Variants in BCORL1 observed in about 807,000 individuals in gnomAD.
BCORL1 encodes BCL6 corepressor like 1, also known as BCL-6 corepressor-like protein 1.
Under a neutral mutation model 87.6 loss-of-function variants are expected in BCORL1, and 7 were observed. The observed-to-expected ratio is 0.08, with a 90% CI of 0.05 to 0.15. The LOEUF (loss-of-function observed/expected upper bound fraction) is 0.15. Ranked by LOEUF, BCORL1 falls within the 10% of genes least tolerant of loss-of-function variation. The pLI is 1.00. For missense variants in BCORL1, 1,215 were observed against 1,499.7 expected (o/e 0.81, Z 3.13); for synonymous variants, 591 against 634.4 (o/e 0.93, Z 1.03).
intron 11 of BCORL1, among the ~76,000 whole-genome samples, chrX:130,047,671 G>A (rs1229008990): frequency 8.9e-6 from 1 of 111,974 alleles, no homozygotes; most frequent in Non-Finnish European, 1.9e-5. Context: ...AAGGGGGACA[G>A]CAGTCATTTG....
At chrX:129,998,252 T>C (rs1275340623) in intron 1 of BCORL1, among the ~76,000 whole-genome samples, 1 of 110,288 alleles carries the variant, frequency 9.1e-6, no homozygotes, top group African/African-American at 3.3e-5. Context: ...CATATCCTTG[T>C]GCCTGTGCTT....
intron 4 of BCORL1, among the ~76,000 whole-genome samples, chrX:130,017,934 C>T (rs138680417): frequency 2.1e-3 from 237 of 112,116 alleles, no homozygotes; most frequent in African/African-American, 7.3e-3. Flanking sequence ...CCTCACCTGG[C>T]CATCTTCTAC....
In BCORL1 at chrX:130,056,082, A is replaced by G; in HGVS notation, c.5304A>G (p.Pro1768=). ...SETVELVRYE[P]DLLRLLGSEV... is the part of the protein sequence containing the mutation. ...CTGTGGAGCTGGTGCGGTACGAGCC[A>G]GACCTACTTCGGCTCCTAGGGTCCG... The change falls in exon 14 of 14, where the codon CCA becomes CCG. Residue 1768 remains proline (P), a synonymous_variant. Transcript: ENST00000540052. 1 of 1,198,014 alleles carries G rather than the reference A, an allele frequency of 8.3e-7. No individual in the cohort carries two copies. Among genetic ancestry groups the G allele is most frequent in the Non-Finnish European group, 1.1e-6 (1 of 887,259 alleles).
intron 13 of BCORL1, among the ~76,000 whole-genome samples, chrX:130,053,881 A>G (rs1259662513): frequency 8.9e-6 from 1 of 112,047 alleles, no homozygotes; most frequent in Non-Finnish European, 1.9e-5. Context: ...TGATGGTCCA[A>G]GTGTATGATA....
chrX:130,002,504 C>T (rs1401875003), intron 1 of BCORL1, among the ~76,000 whole-genome samples: 3 of 79,214 alleles, frequency 3.8e-5, no homozygotes, highest in Non-Finnish European at 6.8e-5. Flanking sequence ...GGGGAGGGAC[C>T]GGAAGAGGGA....
chrX:130,053,505 G>A (rs976591995), intron 13 of BCORL1, among the ~76,000 whole-genome samples: 9 of 111,593 alleles, frequency 8.1e-5, no homozygotes, highest in African/African-American at 2.9e-4. Flanking sequence ...CAGGATCTTG[G>A]GCTTCAGGCA....
chrX:129,993,353 T>C (rs1313999298), intron 1 of BCORL1, among the ~76,000 whole-genome samples: 1 of 112,258 alleles, frequency 8.9e-6, no homozygotes, highest in Non-Finnish European at 1.9e-5. Context: ...AAAAGTATCA[T>C]AGCAATGGGT....
intron 4 of BCORL1, among the ~76,000 whole-genome samples, chrX:130,020,536 G>A (rs1182468589): frequency 9.0e-6 from 1 of 111,693 alleles, no homozygotes; most frequent in Non-Finnish European, 1.9e-5. Flanking sequence ...TTCTTGAGTT[G>A]GCCTGTACTG....
chrX:130,010,555 T>G (rs1397314453), intron 2 of BCORL1: 1 of 110,796 alleles, frequency 9.0e-6, no homozygotes, highest in Non-Finnish European at 1.9e-5. Flanking sequence ...CCAACTGCCT[T>G]TTAAAGGGAA....
Position 130,016,213 on chromosome X carries a change from G to A in BCORL1, c.3441G>A (p.Lys1147=), listed in dbSNP as rs1170569050. The A allele has an allele frequency of 2.5e-6, 3 of 1,193,745 alleles. No homozygotes were observed. In the East Asian group the frequency reaches 9.1e-5, roughly 36 times the overall value. The change falls in exon 4 of 14, where the codon AAG becomes AAA. Residue 1147 remains lysine, a splice_region_variant and synonymous_variant. Transcript: ENST00000540052. The stretch of plus-strand genomic sequence containing the variant: ...TGGTCCGGAGTTCCCACAGACCCAA[G>A]GTGAGTGCTGAGCTAAGGTCCAGGG... ...KAVVRSSHRP[K]CRKLPSDPQE...
In BCORL1 at chrX:129,992,564, T is replaced by C. The variant is rs746164942; in HGVS notation, c.-45+9802T>C. The stretch of plus-strand genomic sequence containing the variant: ...GTTGAACCCATAGCTGAGTCTGTTC[T>C]GTTGTGAGAAAATAGAAAGAATAAC... On this transcript the variant is annotated intron_variant, in intron 1 of 13. Coordinates refer to ENST00000540052, the MANE Select transcript of BCORL1 (RefSeq NM_001379451.1). Among the ~76,000 whole-genome samples, 4 of 112,512 alleles carry C rather than the reference T, an allele frequency of 3.6e-5. No individual in the cohort carries two copies. The East Asian group carries it at 1.1e-3, about 31-fold the overall frequency.
chrX:129,989,720 A>G (rs1374551623), intron 1 of BCORL1, among the ~76,000 whole-genome samples: 3 of 98,313 alleles, frequency 3.1e-5, no homozygotes, highest in South Asian at 4.8e-4. Flanking sequence ...GCCCACCTCA[A>G]CCTCCCAACA....
intron 11 of BCORL1, among the ~76,000 whole-genome samples, chrX:130,041,878 C>T (rs1047122438): frequency 3.6e-5 from 4 of 111,958 alleles, no homozygotes; most frequent in Non-Finnish European, 5.6e-5. Context: ...CCGCCCGCCT[C>T]GGCCTCCCAA....
At chrX:130,045,167 G>A (rs758786163) in intron 11 of BCORL1, among the ~76,000 whole-genome samples, 1 of 112,201 alleles carries the variant, frequency 8.9e-6, no homozygotes, top group Non-Finnish European at 1.9e-5. Flanking sequence ...TTACAGGCAG[G>A]TATGTGACTG....
chrX:130,050,015 C>T (rs1479169922), intron 11 of BCORL1, among the ~76,000 whole-genome samples: 1 of 111,569 alleles, frequency 9.0e-6, no homozygotes, highest in Non-Finnish European at 1.9e-5. Context: ...GCGTGTGTCC[C>T]TGTTCCCTCC....
intron 1 of BCORL1, among the ~76,000 whole-genome samples, chrX:129,987,163 C>A (rs1926697767): frequency 8.9e-6 from 1 of 111,909 alleles, no homozygotes; most frequent in Non-Finnish European, 1.9e-5. Context: ...TTTACAATTT[C>A]ATGCTGGAAT....
At chrX:129,984,646 G>A (rs1926453521) in intron 1 of BCORL1, among the ~76,000 whole-genome samples, 1 of 110,552 alleles carries the variant, frequency 9.0e-6, no homozygotes, top group Non-Finnish European at 1.9e-5. Context: ...GGGAGGAGCC[G>A]GCCGCACCTC....
chrX:130,013,772 C>A lies in BCORL1; in HGVS notation c.1000C>A (p.Pro334Thr). ...TCCGACCTTGGTTCTCGCTCCCGTC[C>A]CCACTCCGGTTCTGGCTCCCATGCC... is the stretch of plus-strand genomic sequence containing the variant. ...SAPTLVLAPV[P>T]TPVLAPMPAS... Residue 334 changes from proline (P) to threonine (T), a missense_variant, in exon 4 of 14, where the codon CCC (proline) becomes ACC (threonine). Physicochemically the swap from Pro to Thr is conservative, Grantham distance 38 (BLOSUM62 -1). Coordinates refer to ENST00000540052, the MANE Select transcript of BCORL1 (RefSeq NM_001379451.1). The A allele has an allele frequency of 8.5e-7, 1 of 1,176,572 alleles. No individual in the cohort carries two copies. Among genetic ancestry groups the A allele is most frequent in the Non-Finnish European group, 1.1e-6 (1 of 878,401 alleles).
At chrX:129,984,084 G>C (rs1221566894) in intron 1 of BCORL1, among the ~76,000 whole-genome samples, 1 of 92,361 alleles carries the variant, frequency 1.1e-5, no homozygotes, top group Non-Finnish European at 2.2e-5. Context: ...GTGGGCTTCG[G>C]GGGGAGCAGT....
Sources: gnomAD v4.1 joint callset for allele counts (sites outside exome capture counted in the v4.1 genomes callset) on GRCh38, gnomAD v4.1.1 for gene constraint, MANE v1.5 for transcripts, NCBI Gene and HGNC (gene_info 2026-07-23, HGNC 2026-07-21) for gene names.